DLGAP2: variants seen among roughly 807,000 people sequenced by gnomAD.
DLGAP2 encodes the protein DLG associated protein 2, also known as disks large-associated protein 2.
In DLGAP2, 26 loss-of-function variants were observed where a neutral mutation model predicts 100.3. That is an observed-to-expected ratio of 0.26 (90% CI 0.19 to 0.36). DLGAP2 has a LOEUF of 0.36. Ranked by LOEUF, DLGAP2 falls within the 10% of genes least tolerant of loss-of-function variation. The pLI is 1.00. For synonymous variants in DLGAP2, 886 were observed against 630.1 expected (o/e 1.41, Z -6.08); for missense variants, 1,858 against 1,453.2 (o/e 1.28, Z -4.53).
chr8:1,671,647 G>A (rs1295124051), intron 10 of DLGAP2, among the ~76,000 whole-genome samples: 2 of 152,206 alleles, frequency 1.3e-5, no homozygotes, highest in African/African-American at 4.8e-5. Flanking sequence ...TACGTCTAAC[G>A]TGATCCCTAA....
At chr8:1,371,797 ATC>A in intron 3 of DLGAP2, among the ~76,000 whole-genome samples, 1 of 152,184 alleles carries the variant, frequency 6.6e-6, no homozygotes, top group Admixed American at 6.5e-5. Flanking sequence ...TTCCACGTGC[ATC>A]GTGGAACTGT....
At position 1,555,789 on chromosome 8, in the gene DLGAP2, C is replaced by T. The variant is rs139558620; in HGVS notation, c.1230+6106C>T. On this transcript the variant is annotated intron_variant, in intron 5 of 14. Coordinates refer to ENST00000637795, the MANE Select transcript of DLGAP2 (RefSeq NM_001346810.2). Reference sequence around the variant, plus strand: ...ACCCAACACATTCTTATCCCCATGACGGAAATTCCAGCAATGTTTGTTGAA... The same window carrying T: ...ACCCAACACATTCTTATCCCCATGATGGAAATTCCAGCAATGTTTGTTGAA... Among the ~76,000 whole-genome samples, 10 of 152,326 alleles carry T rather than the reference C, an allele frequency of 6.6e-5. No homozygotes were observed. In the East Asian group the frequency reaches 1.7e-3, roughly 26 times the overall value.
At chr8:1,478,798 G>A (rs149929680) in intron 3 of DLGAP2, among the ~76,000 whole-genome samples, 27 of 152,342 alleles carry the variant, frequency 1.8e-4, no homozygotes, top group African/African-American at 5.1e-4. Context: ...CGGAAGGCTT[G>A]TGAATGGAGG....
At chr8:1,510,226 T>G (rs530276622) in intron 4 of DLGAP2, among the ~76,000 whole-genome samples, 1 of 152,346 alleles carries the variant, frequency 6.6e-6, no homozygotes, top group Admixed American at 6.5e-5. Flanking sequence ...ACAGGCTGGC[T>G]TTCCCTGGAC....
chr8:999,030 C>G (rs979546393), intron 2 of DLGAP2, among the ~76,000 whole-genome samples: 2 of 152,148 alleles, frequency 1.3e-5, no homozygotes, highest in Non-Finnish European at 2.9e-5. Context: ...TCCAGATGAA[C>G]CATACCAGGT....
At chr8:998,817 A>T (rs1427846341) in intron 2 of DLGAP2, among the ~76,000 whole-genome samples, 1 of 152,108 alleles carries the variant, frequency 6.6e-6, no homozygotes, top group Non-Finnish European at 1.5e-5. Context: ...TGTCCTCATA[A>T]CAGCAGTCTT....
intron 2 of DLGAP2, among the ~76,000 whole-genome samples, chr8:1,175,240 A>AC (rs151266346): frequency 0.18 from 27,650 of 151,608 alleles, 2,600 homozygotes; most frequent in Middle Eastern, 0.34. Context: ...CACATGCTTG[A>AC]TTTTAAAAAA....
chr8:1,474,761 G>A (rs994073313), intron 3 of DLGAP2, among the ~76,000 whole-genome samples: 1 of 152,224 alleles, frequency 6.6e-6, no homozygotes, highest in African/African-American at 2.4e-5. Flanking sequence ...TGGGGAAAGG[G>A]AATGCTTATA....
chr8:960,086 G>C (rs551090597), intron 2 of DLGAP2, among the ~76,000 whole-genome samples: 70 of 151,986 alleles, frequency 4.6e-4, no homozygotes, highest in African/African-American at 1.6e-3. Flanking sequence ...AAGTTTAAAA[G>C]GTTTTAAATG....
At chr8:1,408,740 C>T (rs1404528894) in intron 3 of DLGAP2, among the ~76,000 whole-genome samples, 2 of 152,106 alleles carry the variant, frequency 1.3e-5, no homozygotes, top group African/African-American at 2.4e-5. Context: ...AAGCAGAACC[C>T]GGGAAAGCCA....
intron 1 of DLGAP2, among the ~76,000 whole-genome samples, chr8:768,457 C>G (rs1288416206): frequency 7.9e-6 from 1 of 126,178 alleles, no homozygotes; most frequent in Non-Finnish European, 1.6e-5. Flanking sequence ...ATGAATCTTG[C>G]TCTGTCTCCC....
chr8:921,757 C>T (rs530027246), intron 2 of DLGAP2, among the ~76,000 whole-genome samples: 14 of 152,374 alleles, frequency 9.2e-5, no homozygotes, highest in Middle Eastern at 3.4e-3. Flanking sequence ...CCTGTCGGGC[C>T]GCCTCCCATT....
At chr8:1,187,129 G>C (rs1306881529) in intron 2 of DLGAP2, among the ~76,000 whole-genome samples, 1 of 151,906 alleles carries the variant, frequency 6.6e-6, no homozygotes, top group Non-Finnish European at 1.5e-5. Flanking sequence ...TGCCAAAATA[G>C]CACTGGCTAC....
At chr8:1,116,061 T>C (rs572635854) in intron 2 of DLGAP2, among the ~76,000 whole-genome samples, 1 of 152,204 alleles carries the variant, frequency 6.6e-6, no homozygotes, top group Non-Finnish European at 1.5e-5. Context: ...GGGAGGACTT[T>C]CCAGGGGTTC....
intron 5 of DLGAP2, among the ~76,000 whole-genome samples, chr8:1,550,765 G>A (rs929614677): frequency 6.6e-6 from 1 of 152,218 alleles, no homozygotes; most frequent in Non-Finnish European, 1.5e-5. Flanking sequence ...CCATGCCTGA[G>A]TTTACTGGAG....
intron 2 of DLGAP2, among the ~76,000 whole-genome samples, chr8:1,245,392 G>A (rs1390704524): frequency 1.3e-5 from 2 of 152,206 alleles, no homozygotes; most frequent in South Asian, 2.1e-4. Flanking sequence ...GTCCATCCAT[G>A]CAATGGAATC....
chr8:1,705,913 C>G lies in DLGAP2; in HGVS notation c.*4507C>G, dbSNP rs1451945633. The G allele has an allele frequency of 6.6e-6, 1 of 152,152 alleles. No individual in the cohort carries two copies. The highest frequency in any genetic ancestry group is 1.5e-5 in the Non-Finnish European group (1 of 68,038). The allele number at this position is 152,152 out of a possible 1,614,324, so 9.4% of individuals were successfully genotyped here. ...AGCTTAAGAGGTGAAAAAGATGACC[C>G]CTTTCTGATTAGGATCTGTAACTCT... On this transcript the variant is annotated 3_prime_UTR_variant, in exon 15 of 15. Coordinates refer to ENST00000637795, the MANE Select transcript of DLGAP2 (RefSeq NM_001346810.2).
At chr8:754,592 A>AC (rs1351607778) in intron 1 of DLGAP2, among the ~76,000 whole-genome samples, 1 of 152,194 alleles carries the variant, frequency 6.6e-6, no homozygotes, top group Non-Finnish European at 1.5e-5. Context: ...CGGGGCTTAC[A>AC]CCTGCAATCC....
intron 2 of DLGAP2, among the ~76,000 whole-genome samples, chr8:1,179,428 A>AGGCTCAGC (rs2116698408): frequency 6.6e-6 from 1 of 152,348 alleles, no homozygotes; most frequent in East Asian, 1.9e-4. Context: ...CTTTCTGGGA[A>AGGCTCAGC]GGCTCAGCTC....
Sources: allele counts gnomAD v4.1 joint callset (sites outside exome capture counted in the v4.1 genomes callset), GRCh38; gene constraint gnomAD v4.1.1; transcripts MANE v1.5; gene names NCBI Gene and HGNC (gene_info 2026-07-23, HGNC 2026-07-21).